Variants in PXK observed in about 807,000 individuals in gnomAD.
PXK encodes the protein PX domain-containing protein kinase-like protein.
PXK carries 35 observed loss-of-function variants against 84.7 expected under a neutral mutation model. That is an observed-to-expected ratio of 0.41 (90% CI 0.32 to 0.55). The LOEUF (loss-of-function observed/expected upper bound fraction) is 0.55, where lower values mean the gene tolerates loss of function less well. PXK is among the 20% of genes least tolerant of loss of function. The pLI is 0.21. For missense variants in PXK, 634 were observed against 699.7 expected, an observed-to-expected ratio of 0.91 and a Z score of 1.06; for synonymous variants, 253 against 260.8, an observed-to-expected ratio of 0.97 and a Z score of 0.29.
At chr3:58,367,359 C>CTTA in intron 2 of PXK, among the ~76,000 whole-genome samples, 1 of 152,170 alleles carries the variant, frequency 6.6e-6, no homozygotes, top group African/African-American at 2.4e-5. Flanking sequence ...ATTCTCCTGC[C>CTTA]TTAGCCTCCC....
intron 4 of PXK, among the ~76,000 whole-genome samples, chr3:58,389,999 C>CAAAAAAAAAAAA (rs61380830): frequency 1.9e-5 from 1 of 51,608 alleles, no homozygotes; most frequent in Non-Finnish European, 3.2e-5. Context: ...AACTCCGTCT[C>CAAAAAAAAAAAA]AAAAAAAAAA....
rs1188298432 is a variant in PXK, at chr3:58,407,459, C to T, written c.1231-1465C>T. On this transcript the variant is annotated intron_variant, in intron 13 of 17. Transcript: ENST00000356151. The surrounding 1 kb of genome is among the most constrained non-coding windows in gnomAD (Gnocchi z 4.3). ...TATATTCTGGATATTAACCCCTTAT[C>T]AGACCTATGATTTGCAAATATTGTG... Among the ~76,000 whole-genome samples the T allele has an allele frequency of 6.0e-4, 91 of 152,098 alleles. 1 individual carries two copies. Among genetic ancestry groups the T allele is most frequent in the Non-Finnish European group, 5.9e-5 (4 of 68,020 alleles).
Position 58,376,863 on chromosome 3 carries a change from C to T in PXK, c.202-5651C>T, listed in dbSNP as rs571058639. Among the ~76,000 whole-genome samples the T allele has an allele frequency of 1.2e-4, 16 of 137,902 alleles. 1 individual carries two copies. The highest frequency in any genetic ancestry group is 4.1e-4 in the African/African-American group (16 of 38,644). The allele number at this position is 137,902 out of a possible 152,430, so 90.5% of individuals were successfully genotyped here. A position where few individuals can be genotyped will look rare whatever the true frequency, so the allele number is the denominator to read the frequency against. On this transcript the variant is annotated intron_variant, in intron 3 of 17. Transcript: ENST00000356151. ...CTATGTTGATTAGGCTGGTATCTAA[C>T]TCCTGACCCCAGGTAGTCCACTTGC... is the stretch of plus-strand genomic sequence containing the variant.
rs576867793 is a variant in PXK, at chr3:58,414,314, C to A, written c.1528+1351C>A. The A allele has an allele frequency of 6.6e-6, 1 of 152,146 alleles. No homozygotes were observed. Among genetic ancestry groups the A allele is most frequent in the African/African-American group, 2.4e-5 (1 of 41,424 alleles). 9.4% of individuals were successfully genotyped at this position (152,146 alleles called of 1,614,324 possible). On this transcript the variant is annotated intron_variant, in intron 17 of 17. Coordinates refer to ENST00000356151, the MANE Select transcript of PXK (RefSeq NM_017771.5). The surrounding 1 kb of genome is among the most constrained non-coding windows in gnomAD (Gnocchi z 4.5). ...CCTTTAACAAGCAAGGCACTTGAGG[C>A]GTCTGTTTAAGGGTTCACAGCCCCT...
chr3:58,337,807 T>C (rs1025766344), intron 1 of PXK, among the ~76,000 whole-genome samples: 2 of 152,196 alleles, frequency 1.3e-5, no homozygotes, highest in Non-Finnish European at 2.9e-5. Context: ...ACAGATGGTT[T>C]TAGTGGCTTG....
chr3:58,408,773 T>TGGCCTCTCAAA, intron 13 of PXK, 151 bp from the exon 14 acceptor site: 1 of 621,500 alleles, frequency 1.6e-6, no homozygotes, highest in Non-Finnish European at 2.9e-6. Context: ...CCGCCCGCCT[T>TGGCCTCTCAAA]GGCCTCTCAA....
In PXK at chr3:58,416,187, G is replaced by A. The variant is rs756606479; in HGVS notation, c.1528+3224G>A. On this transcript the variant is annotated intron_variant, in intron 17 of 17. Coordinates refer to ENST00000356151, the MANE Select transcript of PXK (RefSeq NM_017771.5). The surrounding 1 kb of genome is among the most constrained non-coding windows in gnomAD (Gnocchi z 4.8). ...AAGACAACTCAGGGACATATGTTAA[G>A]ATCTTATCTTTAGTTTCTATAGGGC... Among the ~76,000 whole-genome samples the A allele has an allele frequency of 1.3e-5, 2 of 152,212 alleles. No homozygotes were observed. Among genetic ancestry groups the A allele is most frequent in the Admixed American group, 6.5e-5 (1 of 15,276 alleles).
At chr3:58,391,319 G>A in intron 6 of PXK, 99 bp downstream of exon 6, 1 of 1,049,410 alleles carries the variant, frequency 9.5e-7, no homozygotes, top group Non-Finnish European at 1.4e-6. Flanking sequence ...GTGCTCTTAA[G>A]TGATGATGTA....
In PXK at chr3:58,414,193, A is replaced by G. The variant is rs2060635335; in HGVS notation, c.1528+1230A>G. 6.6e-6 allele frequency: 1 copy of G among 152,178 alleles called. No homozygotes were observed. Among genetic ancestry groups the G allele is most frequent in the Non-Finnish European group, 1.5e-5 (1 of 68,028 alleles). The allele number at this position is 152,178 out of a possible 1,614,324, so 9.4% of individuals were successfully genotyped here. A position where few individuals can be genotyped will look rare whatever the true frequency, so the allele number is the denominator to read the frequency against. ...TCTGGTGATCTACTGCCCGGACTAT[A>G]TTAAGCCATTTTCTAGAAGATAGGA... On this transcript the variant is annotated intron_variant, in intron 17 of 17. Transcript: ENST00000356151. This position sits in a 1 kb window ranked among gnomAD's most constrained non-coding sequence, Gnocchi z 4.5.
chr3:58,340,725 C>CAA (rs112156597), intron 1 of PXK, among the ~76,000 whole-genome samples: 2,606 of 136,510 alleles, frequency 0.019, 92 homozygotes, highest in African/African-American at 0.065. Flanking sequence ...AACTCTGTCT[C>CAA]AAAAAAAAAA....
chr3:58,382,794 A>G, intron 4 of PXK, 94 bp downstream of exon 4: 1 of 972,140 alleles, frequency 1.0e-6, no homozygotes, highest in Non-Finnish European at 1.4e-6. Context: ...TTTTCTCAAA[A>G]TGGGGATGTG....
At chr3:58,406,978 C>T (rs1329747880) in intron 13 of PXK, among the ~76,000 whole-genome samples, 1 of 152,164 alleles carries the variant, frequency 6.6e-6, no homozygotes, top group Non-Finnish European at 1.5e-5. Context: ...AACATTTAGG[C>T]TGCTTTTACC....
chr3:58,390,014 A>C lies in PXK; in HGVS notation c.389-568A>C, dbSNP rs1008309501. Among the ~76,000 whole-genome samples, 3 of 150,784 alleles carry C rather than the reference A, an allele frequency of 2.0e-5. No individual in the cohort carries two copies. The highest frequency in any genetic ancestry group is 7.3e-5 in the African/African-American group (3 of 40,920). ...AACTCCGTCTCAAAAAAAAAAAAAA[A>C]AAAAAAAAAACAATTTAGCCAGGCG... On this transcript the variant is annotated intron_variant, in intron 4 of 17. Transcript: ENST00000356151. This position sits in a 1 kb window ranked among gnomAD's most constrained non-coding sequence, Gnocchi z 4.2.
intron 1 of PXK, among the ~76,000 whole-genome samples, chr3:58,359,924 A>C (rs924141244): frequency 6.6e-6 from 1 of 152,154 alleles, no homozygotes; most frequent in African/African-American, 2.4e-5. Context: ...GAGACAGAAG[A>C]ATTGCTGGAG....
chr3:58,419,197 G>T (rs1354105391), intron 17 of PXK, among the ~76,000 whole-genome samples: 1 of 152,220 alleles, frequency 6.6e-6, no homozygotes, highest in Admixed American at 6.5e-5. Context: ...GTATGGGCAG[G>T]ACTCTCTCTG....
chr3:58,342,582 C>G (rs140072362), intron 1 of PXK, among the ~76,000 whole-genome samples: 1,404 of 138,804 alleles, frequency 0.01, 28 homozygotes, highest in African/African-American at 0.036. Flanking sequence ...TTGCAGTGAG[C>G]TGAGATCATG....
At chr3:58,374,202 C>T (rs2098417335) in intron 3 of PXK, among the ~76,000 whole-genome samples, 1 of 116,844 alleles carries the variant, frequency 8.6e-6, no homozygotes, top group Non-Finnish European at 1.8e-5. Flanking sequence ...GACAGTCTCA[C>T]TCTGTTGCCC....
chr3:58,353,904 C>T (rs1005530554), intron 1 of PXK, among the ~76,000 whole-genome samples: 1 of 152,186 alleles, frequency 6.6e-6, no homozygotes, highest in African/African-American at 2.4e-5. Flanking sequence ...TTTGGATTTA[C>T]CCTGTGAGCC....
intron 3 of PXK, among the ~76,000 whole-genome samples, chr3:58,377,065 A>G (rs1443352581): frequency 1.3e-5 from 2 of 152,260 alleles, no homozygotes; most frequent in Non-Finnish European, 2.9e-5. Context: ...AGAAACTGCT[A>G]TTAGATAAAG....
Sources: gnomAD v4.1 joint callset for allele counts (sites outside exome capture counted in the v4.1 genomes callset) on GRCh38, gnomAD v4.1.1 for gene constraint, Gnocchi (gnomAD v3.1) non-coding constraint, MANE v1.5 for transcripts, NCBI Gene and HGNC (gene_info 2026-07-23, HGNC 2026-07-21) for gene names.